The following PDE5A variants were observed in gnomAD, a reference collection of about 807,000 sequenced individuals.
PDE5A encodes cGMP-specific 3',5'-cyclic phosphodiesterase.
In PDE5A, 67 loss-of-function variants were observed where a neutral mutation model predicts 110.2. That is an observed-to-expected ratio of 0.61 (90% CI 0.50 to 0.75). The LOEUF is 0.75. Ranked by LOEUF, PDE5A falls within the 30% of genes least tolerant of loss-of-function variation. PDE5A has a pLI of 0.00. For synonymous variants in PDE5A, 328 were observed against 351.2 expected, an observed-to-expected ratio of 0.93 and a Z score of 0.74; for missense variants, 862 against 1,045.1, an observed-to-expected ratio of 0.82 and a Z score of 2.42.
intron 1 of PDE5A, among the ~76,000 whole-genome samples, chr4:119,609,520 A>G (rs976876154): frequency 6.6e-6 from 1 of 152,208 alleles, no homozygotes; most frequent in Admixed American, 6.5e-5. Context: ...ATGTTCCCCT[A>G]ATTATTTCAT....
intron 3 of PDE5A, among the ~76,000 whole-genome samples, chr4:119,581,759 A>T (rs978961679): frequency 6.6e-6 from 1 of 152,260 alleles, no homozygotes; most frequent in Non-Finnish European, 1.5e-5. Flanking sequence ...AATGGCAATA[A>T]AGCGAGTTAC....
intron 3 of PDE5A, among the ~76,000 whole-genome samples, chr4:119,584,765 C>T (rs932943986): frequency 2.6e-5 from 4 of 152,138 alleles, no homozygotes; most frequent in Non-Finnish European, 5.9e-5. Context: ...CATTTCCAGG[C>T]ACTTCCCTCC....
chr4:119,507,565 T>C, intron 16 of PDE5A, 39 bp downstream of exon 16: 1 of 1,303,708 alleles, frequency 7.7e-7, no homozygotes, highest in Non-Finnish European at 1.1e-6. Flanking sequence ...ATGAAAAGAC[T>C]TCAAATACCT....
intron 1 of PDE5A, among the ~76,000 whole-genome samples, chr4:119,622,585 C>T (rs72922552): frequency 0.026 from 3,902 of 151,960 alleles, 162 homozygotes; most frequent in African/African-American, 0.089. Flanking sequence ...TCTTTAAAAG[C>T]TTTAAAGGCC....
chr4:119,510,968 A>G (rs1432293209), intron 15 of PDE5A, 79 bp downstream of exon 15: 1 of 950,118 alleles, frequency 1.1e-6, no homozygotes, highest in East Asian at 2.5e-5. Context: ...GATGCTGGGA[A>G]TAAATCCAAG....
chr4:119,607,600 G>C (rs1483893491), intron 1 of PDE5A, among the ~76,000 whole-genome samples: 1 of 152,046 alleles, frequency 6.6e-6, no homozygotes, highest in Non-Finnish European at 1.5e-5. Context: ...AGCTGGGCAT[G>C]ATAGCATGTG....
chr4:119,577,198 C>T (rs144910036), intron 3 of PDE5A, among the ~76,000 whole-genome samples: 115,193 of 151,922 alleles, frequency 0.76, 44,019 homozygotes, highest in East Asian at 0.89. Flanking sequence ...TAATTAATAG[C>T]TTACCAACCA....
chr4:119,498,746 G>A lies in PDE5A; in HGVS notation c.2491-8C>T, dbSNP rs747067152. On this transcript the variant is annotated splice_region_variant and splice_polypyrimidine_tract_variant and intron_variant, in intron 20 of 20. Coordinates refer to ENST00000354960, the MANE Select transcript of PDE5A (RefSeq NM_001083.4). ...TGACACGTGGGTCAGGGCCTAAAGA[G>A]AAAAAAGAAAGCAAACAGCTAGAGA... 1 of 1,612,820 alleles carries A rather than the reference G, an allele frequency of 6.2e-7. No individual in the cohort carries two copies.
rs185539549 is a variant in PDE5A at position 119,559,643 on chromosome 4, G to A, written c.1199+653C>T. Among the ~76,000 whole-genome samples, 38 of 152,226 alleles carry A rather than the reference G, an allele frequency of 2.5e-4. No homozygotes were observed. In the East Asian group the frequency reaches 6.6e-3, roughly 26 times the overall value. ...TAAAATTAAAATAATATATATTAAT[G>A]TGCACATTTTCAGACATTTCAAAAG... On this transcript the variant is annotated intron_variant, in intron 7 of 20. Coordinates refer to ENST00000354960, the MANE Select transcript of PDE5A (RefSeq NM_001083.4).
intron 3 of PDE5A, among the ~76,000 whole-genome samples, chr4:119,594,975 G>A (rs140318785): frequency 1.1e-3 from 172 of 152,266 alleles, no homozygotes; most frequent in Middle Eastern, 0.01. Context: ...GATTTAGAAA[G>A]CTGTGTTTTA....
Position 119,627,905 on chromosome 4 carries a change from G to T in PDE5A, c.152+615C>A. The T allele has an allele frequency of 3.1e-6, 1 of 321,204 alleles. No individual in the cohort carries two copies. The highest frequency in any genetic ancestry group is 4.5e-6 in the Non-Finnish European group (1 of 222,454). 19.9% of individuals were successfully genotyped at this position (321,204 alleles called of 1,614,324 possible). A position where few individuals can be genotyped will look rare whatever the true frequency, so the allele number is the denominator to read the frequency against. Reference sequence around the variant, plus strand: ...AACCCCTCTGCAGAGCTCTACTTTTGGCGGCACAGCCTTCGGCGGAAAAGC... The same window carrying T: ...AACCCCTCTGCAGAGCTCTACTTTTTGCGGCACAGCCTTCGGCGGAAAAGC... On this transcript the variant is annotated intron_variant, in intron 1 of 20. Coordinates refer to ENST00000354960, the MANE Select transcript of PDE5A (RefSeq NM_001083.4). The surrounding 1 kb of genome is among the most constrained non-coding windows in gnomAD (Gnocchi z 4.6).
At chr4:119,594,131 TG>T (rs1290965766) in intron 3 of PDE5A, among the ~76,000 whole-genome samples, 3 of 145,386 alleles carry the variant, frequency 2.1e-5, no homozygotes, top group Non-Finnish European at 3.0e-5. Flanking sequence ...AATATAGCTG[TG>T]TTTTTTTAAT....
intron 2 of PDE5A, among the ~76,000 whole-genome samples, chr4:119,601,949 T>G (rs1323220321): frequency 1.3e-5 from 2 of 152,168 alleles, no homozygotes; most frequent in African/African-American, 4.8e-5. Context: ...GATAAAGAAA[T>G]GCTGAGAAAC....
At chr4:119,500,831 C>CTT (rs1256950219) in intron 20 of PDE5A, 2 of 168,574 alleles carry the variant, frequency 1.2e-5, no homozygotes, top group African/African-American at 4.7e-5. Context: ...AGTTGGATTA[C>CTT]TTTTCTTTAT....
At chr4:119,564,971 T>G (rs1727873412) in intron 5 of PDE5A, among the ~76,000 whole-genome samples, 1 of 152,076 alleles carries the variant, frequency 6.6e-6, no homozygotes, top group South Asian at 2.1e-4. Flanking sequence ...AAGAGTAATA[T>G]CTACAGTTGA....
chr4:119,621,756 A>G (rs1162773781), intron 1 of PDE5A, among the ~76,000 whole-genome samples: 1 of 152,262 alleles, frequency 6.6e-6, no homozygotes, highest in African/African-American at 2.4e-5. Flanking sequence ...AATTAAAATT[A>G]TGTGCATCAA....
At chr4:119,624,209 T>A (rs1578838744) in intron 1 of PDE5A, among the ~76,000 whole-genome samples, 2 of 152,314 alleles carry the variant, frequency 1.3e-5, no homozygotes. Flanking sequence ...TTTATTATCA[T>A]CAACACTAAC....
Position 119,550,894 on chromosome 4 carries a change from C to T in PDE5A, c.1396+1656G>A, listed in dbSNP as rs7662636. Among the ~76,000 whole-genome samples, 1,150 of 152,216 alleles carry T rather than the reference C, an allele frequency of 7.6e-3. 14 individuals carry two copies. The highest frequency in any genetic ancestry group is 0.026 in the African/African-American group (1,085 of 41,524). On this transcript the variant is annotated intron_variant, in intron 9 of 20. Coordinates refer to ENST00000354960, the MANE Select transcript of PDE5A (RefSeq NM_001083.4). ...ATTTACTTGGTATCATATTGTAAGG[C>T]ACCCTTGGCAGTTTTCTTTTATTGC...
intron 1 of PDE5A, among the ~76,000 whole-genome samples, chr4:119,617,367 GACAC>G (rs149229368): frequency 6.6e-6 from 1 of 150,790 alleles, no homozygotes; most frequent in Non-Finnish European, 1.5e-5. Flanking sequence ...TAGCTAAAGG[GACAC>G]ACACACACAC....
Sources: allele counts gnomAD v4.1 joint callset (sites outside exome capture counted in the v4.1 genomes callset), GRCh38; gene constraint gnomAD v4.1.1; non-coding constraint Gnocchi (gnomAD v3.1); transcripts MANE v1.5; gene names NCBI Gene and HGNC (gene_info 2026-07-23, HGNC 2026-07-21).